Variants in KCNU1 observed in about 807,000 individuals in gnomAD.
KCNU1 encodes the protein potassium calcium-activated channel subfamily U member 1.
KCNU1 carries 93 observed loss-of-function variants against 126.8 expected under a neutral mutation model. That is an observed-to-expected ratio of 0.73 (90% CI 0.62 to 0.87). The LOEUF (loss-of-function observed/expected upper bound fraction) is 0.87, where lower values mean the gene tolerates loss of function less well. KCNU1 is among the 40% of genes least tolerant of loss of function. The pLI is 0.00. For missense variants in KCNU1, 1,330 were observed against 1,367.1 expected (o/e 0.97, Z 0.43); for synonymous variants, 523 against 494.2 (o/e 1.06, Z -0.77).
At chr8:36,840,812 C>A in intron 15 of KCNU1, 120 bp from the exon 16 acceptor site, 1 of 757,962 alleles carries the variant, frequency 1.3e-6, no homozygotes, top group Non-Finnish European at 2.3e-6. Flanking sequence ...GATCATTCCA[C>A]ATTGGGAGTT....
intron 18 of KCNU1, among the ~76,000 whole-genome samples, chr8:36,863,304 C>T (rs1339467425): frequency 6.6e-6 from 1 of 152,114 alleles, no homozygotes; most frequent in Non-Finnish European, 1.5e-5. Context: ...CACGTGAACT[C>T]CCCACTGTGG....
chr8:36,930,530 T>A (rs1275551264), intron 24 of KCNU1, among the ~76,000 whole-genome samples: 1 of 152,236 alleles, frequency 6.6e-6, no homozygotes, highest in East Asian at 1.9e-4. Flanking sequence ...TAGATGACAA[T>A]AATATCATTA....
At chr8:36,815,205 C>A in intron 8 of KCNU1, among the ~76,000 whole-genome samples, 1 of 152,174 alleles carries the variant, frequency 6.6e-6, no homozygotes, top group South Asian at 2.1e-4. Flanking sequence ...GTGGCAGGCA[C>A]CTGTAGTCCC....
intron 2 of KCNU1, among the ~76,000 whole-genome samples, chr8:36,793,032 T>C (rs1802958786): frequency 6.6e-6 from 1 of 152,142 alleles, no homozygotes; most frequent in African/African-American, 2.4e-5. Context: ...CCATAAAAAA[T>C]GATGAGTTCA....
intron 10 of KCNU1, among the ~76,000 whole-genome samples, chr8:36,824,029 A>C (rs957866843): frequency 2.6e-5 from 4 of 151,972 alleles, no homozygotes; most frequent in African/African-American, 2.4e-5. Context: ...TACAGATAGA[A>C]TATCACCATG....
Position 36,807,460 on chromosome 8 carries a change from C to G in KCNU1, c.656+10C>G. ...GAGCCATCAAGACCAGGTAAATAGCCCTGACCGAAGTACTGCTTACTTATT... is the reference window on the plus strand; with the variant it reads ...GAGCCATCAAGACCAGGTAAATAGCGCTGACCGAAGTACTGCTTACTTATT... On this transcript the variant is annotated intron_variant, in intron 6 of 26. Transcript: ENST00000399881. 1.3e-6 allele frequency: 2 copies of G among 1,596,128 alleles called. No homozygotes were observed. The highest frequency in any genetic ancestry group is 1.7e-6 in the Non-Finnish European group (2 of 1,163,898).
At chr8:36,903,552 A>AAATAGT (rs1175825651) in intron 19 of KCNU1, among the ~76,000 whole-genome samples, 1 of 152,202 alleles carries the variant, frequency 6.6e-6, no homozygotes, top group African/African-American at 2.4e-5. Flanking sequence ...GTGTGTAAGT[A>AAATAGT]AATAGTAAAA....
chr8:36,913,865 T>A (rs1299185793), intron 22 of KCNU1, among the ~76,000 whole-genome samples: 1 of 151,990 alleles, frequency 6.6e-6, no homozygotes, highest in Non-Finnish European at 1.5e-5. Context: ...CCTCCCAAAG[T>A]GCTGGGATTA....
chr8:36,799,372 G>C (rs1222225221), intron 2 of KCNU1, among the ~76,000 whole-genome samples: 3 of 151,838 alleles, frequency 2.0e-5, no homozygotes, highest in Non-Finnish European at 4.4e-5. Context: ...GACAAGTCTT[G>C]GTGGGCCTTT....
At chr8:36,821,821 G>C (rs962176161) in intron 10 of KCNU1, among the ~76,000 whole-genome samples, 1 of 137,950 alleles carries the variant, frequency 7.2e-6, no homozygotes, top group African/African-American at 2.9e-5. Flanking sequence ...TAAATAATAT[G>C]AGATACTCAA....
chr8:36,831,421 T>C (rs1804542215), intron 10 of KCNU1, among the ~76,000 whole-genome samples: 1 of 152,054 alleles, frequency 6.6e-6, no homozygotes, highest in Admixed American at 6.6e-5. Flanking sequence ...CCAGCACCTG[T>C]TGTTTCCTGA....
At chr8:36,873,752 C>A (rs2117372889) in intron 19 of KCNU1, among the ~76,000 whole-genome samples, 1 of 152,272 alleles carries the variant, frequency 6.6e-6, no homozygotes, top group East Asian at 1.9e-4. Context: ...ACGATCAGGA[C>A]AATAAAATAT....
At chr8:36,856,255 G>T (rs914535897) in intron 18 of KCNU1, among the ~76,000 whole-genome samples, 1 of 151,922 alleles carries the variant, frequency 6.6e-6, no homozygotes, top group African/African-American at 2.4e-5. Context: ...TGCTAACTCT[G>T]ACATGGACTC....
rs762052289 is a variant in KCNU1 at position 36,909,318 on chromosome 8, C to G, written c.2114C>G (p.Thr705Ser). The change falls in exon 21 of 27, where the codon ACT becomes AGT. Residue 705 changes from threonine to serine, a missense_variant. By Grantham distance (58) the Thr-to-Ser change is moderately conservative. This residue lies in a region of KCNU1 where 1,054 missense variants were observed against 1,053.9 expected (regional missense o/e 1.00). Coordinates refer to ENST00000399881, the MANE Select transcript of KCNU1 (RefSeq NM_001031836.3). ...TGGCATCCTTATCCTTAGAAACGAACTGGCAAGTCAAAGTATAAGTTTCGG... is the reference window on the plus strand; with the variant it reads ...TGGCATCCTTATCCTTAGAAACGAAGTGGCAAGTCAAAGTATAAGTTTCGG... ...TSLDKVTLKR[T>S]GKSKYKFRNH... The G allele has an allele frequency of 9.9e-6, 16 of 1,610,106 alleles. No homozygotes were observed. In the South Asian group the frequency reaches 1.5e-4, roughly 15 times the overall value.
chr8:36,928,540 G>T (rs1808600485), intron 24 of KCNU1, among the ~76,000 whole-genome samples: 1 of 152,108 alleles, frequency 6.6e-6, no homozygotes, highest in Non-Finnish European at 1.5e-5. Context: ...TTAGTCTGGG[G>T]ACTAGGGCTA....
intron 9 of KCNU1, among the ~76,000 whole-genome samples, chr8:36,816,145 G>C (rs902683668): frequency 6.6e-6 from 1 of 152,032 alleles, no homozygotes; most frequent in African/African-American, 2.4e-5. Context: ...CTAAACCATC[G>C]GGGGCTCATT....
chr8:36,921,136 CA>C (rs1808328224), intron 23 of KCNU1, among the ~76,000 whole-genome samples: 1 of 152,082 alleles, frequency 6.6e-6, no homozygotes, highest in East Asian at 1.9e-4. Flanking sequence ...GAGACCAAAA[CA>C]AAACAAAACA....
At chr8:36,903,304 AG>A (rs1352868207) in intron 19 of KCNU1, among the ~76,000 whole-genome samples, 5 of 152,134 alleles carry the variant, frequency 3.3e-5, no homozygotes, top group African/African-American at 7.2e-5. Context: ...TTTGGGGGTG[AG>A]GCATTGAATA....
chr8:36,858,176 C>CAAAAAAAAAAAAA (rs67265944), intron 18 of KCNU1, among the ~76,000 whole-genome samples: 1 of 73,036 alleles, frequency 1.4e-5, no homozygotes. Context: ...TCAAGGATGG[C>CAAAAAAAAAAAAA]AAAAAAAAAA....
Sources: gnomAD v4.1 joint callset for allele counts (sites outside exome capture counted in the v4.1 genomes callset) on GRCh38, gnomAD v4.1.1 for gene constraint, gnomAD v4.1.1 regional missense constraint, MANE v1.5 for transcripts, NCBI Gene and HGNC (gene_info 2026-07-23, HGNC 2026-07-21) for gene names.